RXYLT1: variants seen among roughly 807,000 people sequenced by gnomAD.
RXYLT1 encodes ribitol-5-phosphate xylosyltransferase 1.
In RXYLT1, 41 loss-of-function variants were observed where a neutral mutation model predicts 43.5. The observed-to-expected ratio is 0.94, with a 90% CI of 0.73 to 1.22. RXYLT1 has a LOEUF of 1.22. Ranked by LOEUF, RXYLT1 falls within the 50% of genes most tolerant of loss-of-function variation. The probability of loss-of-function intolerance (pLI) is 0.00; values close to 1 mark genes in which losing one functional copy is unlikely to be tolerated. For synonymous variants in RXYLT1, 166 were observed against 194.4 expected (o/e 0.85, Z 1.21); for missense variants, 514 against 532.0 (o/e 0.97, Z 0.33).
intron 4 of RXYLT1, among the ~76,000 whole-genome samples, chr12:63,803,181 CAAAAAAAAAA>C (rs763579072): frequency 2.2e-3 from 49 of 22,588 alleles, no homozygotes; most frequent in African/African-American, 6.2e-3. Context: ...ACTGTCTCAC[CAAAAAAAAAA>C]AAAAAAAAAA....
chr12:63,781,217 A>T (rs747900181), intron 2 of RXYLT1, 43 bp downstream of exon 2: 2 of 1,384,620 alleles, frequency 1.4e-6, no homozygotes, highest in Non-Finnish European at 1.9e-6. Flanking sequence ...AAGCATTATA[A>T]AATGTATTTT....
At chr12:63,805,052 A>G (rs541478722) in intron 4 of RXYLT1, 182 bp from the exon 5 acceptor site, 49 of 451,028 alleles carry the variant, frequency 1.1e-4, no homozygotes, top group African/African-American at 3.7e-4. Flanking sequence ...GTGAAATTCA[A>G]TTTTTTTAAG....
intron 3 of RXYLT1, 113 bp downstream of exon 3, chr12:63,785,185 T>A (rs1897773890): frequency 1.6e-6 from 1 of 621,152 alleles, no homozygotes; most frequent in Non-Finnish European, 2.5e-6. Flanking sequence ...AATACTTCTA[T>A]TTCAACTTGT....
intron 4 of RXYLT1, chr12:63,804,414 A>T (rs1269112918): frequency 6.6e-6 from 1 of 152,238 alleles, no homozygotes; most frequent in Non-Finnish European, 1.5e-5. Flanking sequence ...TCATAAAAAT[A>T]GGTAACTTTT....
At chr12:63,799,302 C>CTTTTTTTTTTTTTTTTTTTTTTT (rs11312130) in intron 3 of RXYLT1, among the ~76,000 whole-genome samples, 11 of 71,614 alleles carry the variant, frequency 1.5e-4, no homozygotes, top group Non-Finnish European at 1.8e-4. Flanking sequence ...CTTTTCTTTT[C>CTTTTTTTTTTTTTTTTTTTTTTT]TTTTTTTTTT....
At chr12:63,785,941 GT>G (rs1387699839) in intron 3 of RXYLT1, among the ~76,000 whole-genome samples, 2 of 152,012 alleles carry the variant, frequency 1.3e-5, no homozygotes, top group African/African-American at 4.8e-5. Context: ...TTGGAAAGCA[GT>G]TTTATTGCAT....
chr12:63,780,513 G>A, intron 1 of RXYLT1: 4 of 1,063,126 alleles, frequency 3.8e-6, no homozygotes, highest in Non-Finnish European at 4.5e-6. Flanking sequence ...TAATCCTGCA[G>A]TGACCATAAG....
chr12:63,779,996 T>A lies in RXYLT1; in HGVS notation c.36T>A (p.Leu12=). The change falls in exon 1 of 6, where the codon CTT becomes CTA. Residue 12 remains leucine (L), a synonymous_variant. Coordinates refer to ENST00000261234, the MANE Select transcript of RXYLT1 (RefSeq NM_014254.3). The part of the protein sequence containing the change: ...RLTRKRLCSF[L]IALYCLFSLY... The stretch of plus-strand genomic sequence containing the variant: ...CGCGGAAGCGGCTCTGCTCGTTTCT[T>A]ATCGCCCTGTACTGCCTATTCTCCC... 1.2e-6 allele frequency: 2 copies of A among 1,611,442 alleles called. No homozygotes were observed. The highest frequency in any genetic ancestry group is 1.7e-6 in the Non-Finnish European group (2 of 1,178,976).
intron 5 of RXYLT1, chr12:63,806,958 C>T (rs1224046453): frequency 6.6e-6 from 1 of 152,468 alleles, no homozygotes; most frequent in Non-Finnish European, 1.5e-5. Context: ...CCTTCACCTC[C>T]CCTCCTCCAA....
chr12:63,807,211 T>G (rs1229766185), intron 5 of RXYLT1: 1 of 152,222 alleles, frequency 6.6e-6, no homozygotes, highest in Non-Finnish European at 1.5e-5. Flanking sequence ...CTTCATTTTA[T>G]TCTTCACCTA....
At chr12:63,805,952 A>G (rs1898282269) in intron 5 of RXYLT1, 1 of 152,266 alleles carries the variant, frequency 6.6e-6, no homozygotes, top group African/African-American at 2.4e-5. Flanking sequence ...TCTTTTATGT[A>G]GTAACCAGGA....
intron 3 of RXYLT1, among the ~76,000 whole-genome samples, chr12:63,795,167 G>A (rs887740389): frequency 5.3e-5 from 8 of 151,890 alleles, no homozygotes; most frequent in African/African-American, 1.9e-4. Flanking sequence ...GTCGTCCCAG[G>A]TACTTGCGGG....
intron 1 of RXYLT1, chr12:63,780,515 G>A (rs1897655842): frequency 9.4e-7 from 1 of 1,060,126 alleles, no homozygotes; most frequent in Non-Finnish European, 1.1e-6. Context: ...ATCCTGCAGT[G>A]ACCATAAGGC....
intron 3 of RXYLT1, among the ~76,000 whole-genome samples, chr12:63,791,235 G>T (rs2136225393): frequency 6.6e-6 from 1 of 152,236 alleles, no homozygotes; most frequent in South Asian, 2.1e-4. Context: ...AATTTCTTAA[G>T]AGGAACCTTG....
chr12:63,780,990 C>G (rs745380800), intron 1 of RXYLT1, 29 bp from the exon 2 acceptor site: 6 of 1,496,878 alleles, frequency 4.0e-6, no homozygotes, highest in Non-Finnish European at 5.3e-6. Context: ...TAATACCTTA[C>G]TGGTAAACAC....
chr12:63,781,886 G>A (rs1318402560), intron 2 of RXYLT1, among the ~76,000 whole-genome samples: 2 of 152,144 alleles, frequency 1.3e-5, no homozygotes, highest in Admixed American at 1.3e-4. Context: ...AGAGGAAAAT[G>A]TACAGAGCAT....
chr12:63,793,211 A>T (rs1179341338), intron 3 of RXYLT1, among the ~76,000 whole-genome samples: 1 of 152,220 alleles, frequency 6.6e-6, no homozygotes, highest in Non-Finnish European at 1.5e-5. Context: ...TATCCTCTTT[A>T]TAGTAATTTA....
intron 3 of RXYLT1, among the ~76,000 whole-genome samples, chr12:63,786,229 C>CT (rs1897797285): frequency 6.6e-6 from 1 of 152,078 alleles, no homozygotes; most frequent in Admixed American, 6.6e-5. Flanking sequence ...AAGTTAGCAT[C>CT]TTTAAGGTTA....
rs916987742 is a variant in RXYLT1, at chr12:63,804,957, A to C, written c.744-277A>C. On this transcript the variant is annotated intron_variant, in intron 4 of 5. Coordinates refer to ENST00000261234, the MANE Select transcript of RXYLT1 (RefSeq NM_014254.3). ...TGAATGTAACATGCCTAACAGCTGC[A>C]GATGAGTAATGCAAGTTAAAGAATG... is the stretch of plus-strand genomic sequence containing the variant. The C allele has an allele frequency of 1.0e-5, 3 of 296,736 alleles. No individual in the cohort carries two copies. In the East Asian group the frequency reaches 1.9e-4, roughly 18 times the overall value. The allele number at this position is 296,736 out of a possible 1,614,324, so 18.4% of individuals were successfully genotyped here.
Sources: gnomAD v4.1 joint callset for allele counts (sites outside exome capture counted in the v4.1 genomes callset) on GRCh38, gnomAD v4.1.1 for gene constraint, MANE v1.5 for transcripts, NCBI Gene and HGNC (gene_info 2026-07-23, HGNC 2026-07-21) for gene names.